Variants in OVOL2 observed in about 807,000 individuals in gnomAD.
OVOL2 encodes ovo like zinc finger 2, also known as transcription factor Ovo-like 2.
A neutral mutation model predicts 18.1 loss-of-function variants in OVOL2; 13 were observed. The ratio of observed to expected loss-of-function variants is 0.72; its 90% CI spans 0.47 to 1.14. The LOEUF (loss-of-function observed/expected upper bound fraction) is 1.14, where lower values mean the gene tolerates loss of function less well. OVOL2 is among the 50% of genes most tolerant of loss of function. The pLI, the probability that OVOL2 is intolerant of heterozygous loss-of-function variation, is 0.00. For synonymous variants in OVOL2, 166 were observed against 162.7 expected, an observed-to-expected ratio of 1.02 and a Z score of -0.16; for missense variants, 335 against 383.0, an observed-to-expected ratio of 0.87 and a Z score of 1.05.
chr20:18,049,651 T>G (rs2036755150), intron 2 of OVOL2, among the ~76,000 whole-genome samples: 1 of 151,804 alleles, frequency 6.6e-6, no homozygotes, highest in African/African-American at 2.4e-5. Context: ...AGGGAATATA[T>G]ATCTTTATAA....
At chr20:18,053,975 C>T (rs1174206986) in intron 2 of OVOL2, among the ~76,000 whole-genome samples, 3 of 152,194 alleles carry the variant, frequency 2.0e-5, no homozygotes, top group African/African-American at 4.8e-5. Context: ...CGCCTCCCTT[C>T]TCCCCAGCCT....
At chr20:18,025,067 C>T in intron 3 of OVOL2, 115 bp from the exon 4 acceptor site, 2 of 1,243,010 alleles carry the variant, frequency 1.6e-6, no homozygotes, top group South Asian at 1.5e-5. Context: ...AGCATGAGGA[C>T]AATGGTTACA....
intron 2 of OVOL2, among the ~76,000 whole-genome samples, chr20:18,047,342 G>GT (rs1027060645): frequency 9.3e-5 from 14 of 150,166 alleles, no homozygotes; most frequent in Non-Finnish European, 1.5e-4. Flanking sequence ...ATGAAACCCC[G>GT]TCTCTACTAA....
intron 3 of OVOL2, among the ~76,000 whole-genome samples, chr20:18,037,618 G>T (rs564137442): frequency 2.6e-5 from 4 of 152,174 alleles, no homozygotes; most frequent in Non-Finnish European, 5.9e-5. Flanking sequence ...TCTGCCTAAG[G>T]ATGCTCTCCA....
upstream of OVOL2, among the ~76,000 whole-genome samples, chr20:18,058,580 T>C (rs1310377400): frequency 7.0e-6 from 1 of 142,232 alleles, no homozygotes; most frequent in Non-Finnish European, 1.5e-5. Flanking sequence ...AAACACACAA[T>C]AGAAACAAAA....
chr20:18,056,822 G>A lies in OVOL2; in HGVS notation c.156C>T (p.Gly52=), dbSNP rs771143200. The A allele has an allele frequency of 2.0e-6, 3 of 1,491,670 alleles. No individual in the cohort carries two copies. The highest frequency in any genetic ancestry group is 2.9e-5 in the East Asian group (1 of 35,038). 92.4% of individuals were successfully genotyped at this position (1,491,670 alleles called of 1,614,324 possible). Reference sequence around the variant, plus strand: ...TGCTGCTGCCGCTGCCGCTGCTGCTGCCGCCGTCGCTGCGGCAGTCCTCGG... The same window carrying A: ...TGCTGCTGCCGCTGCCGCTGCTGCTACCGCCGTCGCTGCGGCAGTCCTCGG... The part of the protein sequence containing the change: ...DPPEDCRSDG[G]SSSGSGSSSA... The change falls in exon 2 of 4, where the codon GGC becomes GGT. Residue 52 remains glycine (G), a synonymous_variant. Transcript: ENST00000278780. The surrounding 1 kb of genome is among the most constrained non-coding windows in gnomAD (Gnocchi z 4.2).
In OVOL2 at chr20:18,057,027, C is replaced by T; in HGVS notation, c.101-150G>A. 5.5e-6 allele frequency: 5 copies of T among 900,940 alleles called. No homozygotes were observed. The highest frequency in any genetic ancestry group is 7.7e-6 in the Non-Finnish European group (5 of 648,080). 55.8% of individuals were successfully genotyped at this position (900,940 alleles called of 1,614,324 possible). On this transcript the variant is annotated intron_variant, in intron 1 of 3. Coordinates refer to ENST00000278780, the MANE Select transcript of OVOL2 (RefSeq NM_021220.4). This position sits in a 1 kb window ranked among gnomAD's most constrained non-coding sequence, Gnocchi z 6.3. ...CAACGTCGCGGGGGAGGCCAGTAAG[C>T]CCCGAATCGGCCCACAGAGCTAGCT...
intron 2 of OVOL2, among the ~76,000 whole-genome samples, chr20:18,043,282 G>T (rs534839645): frequency 6.6e-6 from 1 of 152,350 alleles, no homozygotes; most frequent in Admixed American, 6.5e-5. Context: ...AAGAGATGGA[G>T]ACTGTTTTCC....
At chr20:18,038,991 C>T (rs117251719) in intron 3 of OVOL2, among the ~76,000 whole-genome samples, 1 of 152,308 alleles carries the variant, frequency 6.6e-6, no homozygotes, top group Non-Finnish European at 1.5e-5. Context: ...CTTAGACTCA[C>T]AGAGGTCAAA....
chr20:18,028,123 G>A (rs1224066603), intron 3 of OVOL2, among the ~76,000 whole-genome samples: 1 of 152,064 alleles, frequency 6.6e-6, no homozygotes, highest in African/African-American at 2.4e-5. Flanking sequence ...AGGGACCCCA[G>A]GCACTAGGTC....
intron 3 of OVOL2, among the ~76,000 whole-genome samples, chr20:18,026,799 A>G (rs1476608719): frequency 6.6e-6 from 1 of 152,124 alleles, no homozygotes; most frequent in African/African-American, 2.4e-5. Flanking sequence ...CAGGTAAGGT[A>G]GTGGCAGGGC....
intron 2 of OVOL2, among the ~76,000 whole-genome samples, chr20:18,055,847 C>G (rs2036817693): frequency 6.6e-6 from 1 of 152,248 alleles, no homozygotes; most frequent in African/African-American, 2.4e-5. Flanking sequence ...CACCTCCTAG[C>G]TCCAGCTGGC....
rs954453372 is a variant in OVOL2 at position 18,056,206 on chromosome 20, G to T, written c.321+451C>A. Among the ~76,000 whole-genome samples the T allele has an allele frequency of 6.6e-6, 1 of 152,258 alleles. No individual in the cohort carries two copies. On this transcript the variant is annotated intron_variant, in intron 2 of 3. Transcript: ENST00000278780. This position sits in a 1 kb window ranked among gnomAD's most constrained non-coding sequence, Gnocchi z 4.2. ...CAGGTCCAGAACATAAGCATGGGGGGTGAACTCTCAGAATCGCGGCGCCAG... is the reference window on the plus strand; with the variant it reads ...CAGGTCCAGAACATAAGCATGGGGGTTGAACTCTCAGAATCGCGGCGCCAG...
In OVOL2 at chr20:18,054,778, A is replaced by AAG. The variant is rs1555796512; in HGVS notation, c.321+1878_321+1879insCT. 5.0e-5 allele frequency among the ~76,000 whole-genome samples: 7 copies of AAG among 140,408 alleles called. No homozygotes were observed. In the South Asian group the frequency reaches 6.7e-4, roughly 13 times the overall value. 92.1% of individuals were successfully genotyped at this position (140,408 alleles called of 152,430 possible). A position where few individuals can be genotyped will look rare whatever the true frequency, so the allele number is the denominator to read the frequency against. The stretch of plus-strand genomic sequence containing the variant: ...CGAAACTCCATCTCAAAAAAAAAAA[A>AAG]AAAAGAAAGAAAAGAAAAGAAAAGA... On this transcript the variant is annotated intron_variant, in intron 2 of 3. Transcript: ENST00000278780.
intron 3 of OVOL2, among the ~76,000 whole-genome samples, chr20:18,030,091 G>A (rs1339893708): frequency 1.3e-5 from 2 of 152,206 alleles, no homozygotes; most frequent in African/African-American, 4.8e-5. Context: ...TTGGTTCCAG[G>A]AAAGAAAGGC....
chr20:18,039,620 A>AAAT (rs2036651011), intron 3 of OVOL2, among the ~76,000 whole-genome samples: 1 of 126,836 alleles, frequency 7.9e-6, no homozygotes, highest in African/African-American at 3.3e-5. Flanking sequence ...AAAAAAAAAA[A>AAAT]AAGAAAGAAA....
intron 3 of OVOL2, among the ~76,000 whole-genome samples, chr20:18,032,621 C>T (rs1438057309): frequency 6.6e-6 from 1 of 152,120 alleles, no homozygotes; most frequent in Admixed American, 6.6e-5. Flanking sequence ...ATTCTCCTAC[C>T]TCAGCCTCCT....
intron 2 of OVOL2, among the ~76,000 whole-genome samples, chr20:18,045,851 C>A: frequency 6.6e-6 from 1 of 152,110 alleles, no homozygotes; most frequent in Non-Finnish European, 1.5e-5. Context: ...ACACCTAATT[C>A]TCAAGGGGAC....
At chr20:18,058,404 A>ACCC (rs11326055), upstream of OVOL2, among the ~76,000 whole-genome samples, 131 of 128,916 alleles carry the variant, frequency 1.0e-3, no homozygotes, top group Middle Eastern at 4.1e-3. Flanking sequence ...CAGCTACAAC[A>ACCC]CCCCCCCCCC....
Sources: allele counts gnomAD v4.1 joint callset (sites outside exome capture counted in the v4.1 genomes callset), GRCh38; gene constraint gnomAD v4.1.1; non-coding constraint Gnocchi (gnomAD v3.1); transcripts MANE v1.5; gene names NCBI Gene and HGNC (gene_info 2026-07-23, HGNC 2026-07-21).